ALG9: variants seen among roughly 807,000 people sequenced by gnomAD.
The protein encoded by ALG9 is ALG9 alpha-1,2-mannosyltransferase.
A neutral mutation model predicts 81.8 loss-of-function variants in ALG9; 55 were observed. The observed-to-expected ratio is 0.67, with a 90% CI of 0.54 to 0.84. The LOEUF is 0.84. ALG9 is among the 40% of genes least tolerant of loss of function. The pLI, the probability that ALG9 is intolerant of heterozygous loss-of-function variation, is 0.00. For synonymous variants in ALG9, 278 were observed against 274.3 expected (o/e 1.01, Z -0.13); for missense variants, 629 against 745.0 (o/e 0.84, Z 1.81).
At position 111,871,518 on chromosome 11, in the gene ALG9, G is replaced by A; in HGVS notation, c.-36C>T. On this transcript the variant is annotated 5_prime_UTR_variant, in exon 1 of 15. Transcript: ENST00000616540. Reference sequence around the variant, plus strand: ...GGGAAAAAAGAATTCGGCACCCTATGAAGTCGGTGAGCGCGCAGACATAGC... The same window carrying A: ...GGGAAAAAAGAATTCGGCACCCTATAAAGTCGGTGAGCGCGCAGACATAGC... The A allele has an allele frequency of 1.3e-6, 2 of 1,535,602 alleles. No homozygotes were observed. Among genetic ancestry groups the A allele is most frequent in the Non-Finnish European group, 1.7e-6 (2 of 1,146,370 alleles).
rs370331303 is a variant in ALG9 at position 111,785,118 on chromosome 11, G to C, written c.*1279C>G. 8 of 152,716 alleles carry C rather than the reference G, an allele frequency of 5.2e-5. No homozygotes were observed. The highest frequency in any genetic ancestry group is 1.9e-4 in the African/African-American group (8 of 41,568). The allele number at this position is 152,716 out of a possible 1,614,324, so 9.5% of individuals were successfully genotyped here. On this transcript the variant is annotated 3_prime_UTR_variant, in exon 15 of 15. Coordinates refer to ENST00000616540, the MANE Select transcript of ALG9 (RefSeq NM_024740.2). ...AGGAATATGGAGGAGCAATAGATGA[G>C]AGTAAGGAAACCTGGGTTCCAGTCC...
intron 8 of ALG9, 28 bp from the exon 9 acceptor site, chr11:111,844,751 A>G (rs782493764): frequency 2.0e-5 from 33 of 1,611,654 alleles, no homozygotes; most frequent in Middle Eastern, 1.6e-4. Flanking sequence ...GTAAGAAATC[A>G]TTAGTGGATG....
chr11:111,786,632 C>G, intron 14 of ALG9, 112 bp from the exon 15 acceptor site: 1 of 1,234,224 alleles, frequency 8.1e-7, no homozygotes, highest in Non-Finnish European at 1.1e-6. Context: ...ATATTTTATT[C>G]AAGTGGCACA....
chr11:111,804,190 G>T (rs1949589315), intron 14 of ALG9, among the ~76,000 whole-genome samples: 1 of 148,148 alleles, frequency 6.8e-6, no homozygotes, highest in Admixed American at 6.7e-5. Context: ...AAAACTCCTA[G>T]AAGATAATAC....
rs1555141102 is a variant in ALG9, at chr11:111,853,729, T to C, written c.709A>G (p.Ile237Val). The C allele has an allele frequency of 1.2e-6, 2 of 1,613,682 alleles. No homozygotes were observed. The highest frequency in any genetic ancestry group is 4.5e-5 in the East Asian group (2 of 44,852). ...TTCATGACCAGCAAATCAAAGGCAA[T>C]GGGTAAACTATTTAACAGAGAAACA... ...WPFSAALGLP[I>V]AFDLLVMKHR... is the part of the protein sequence containing the mutation. Residue 237 changes from isoleucine (I) to valine (V), a missense_variant, in exon 7 of 15, where the codon ATT becomes GTT. By Grantham distance (29) the Ile-to-Val change is conservative. Coordinates refer to ENST00000616540, the MANE Select transcript of ALG9 (RefSeq NM_024740.2).
In ALG9 at chr11:111,785,881, T is replaced by G; in HGVS notation, c.*516A>C. The stretch of plus-strand genomic sequence containing the variant: ...GCTGGAGGTGAAAAGGACATGTGGG[T>G]TGGCAACTAGGCTGTGTTCATTTTC... On this transcript the variant is annotated 3_prime_UTR_variant, in exon 15 of 15. Transcript: ENST00000616540. 2.7e-6 allele frequency: 1 copy of G among 374,048 alleles called. No individual in the cohort carries two copies. The highest frequency in any genetic ancestry group is 2.0e-5 in the South Asian group (1 of 49,284). The allele number at this position is 374,048 out of a possible 1,614,324, so 23.2% of individuals were successfully genotyped here.
At chr11:111,820,917 C>CGT (rs1180777460) in intron 13 of ALG9, among the ~76,000 whole-genome samples, 1 of 103,368 alleles carries the variant, frequency 9.7e-6, no homozygotes, top group African/African-American at 3.7e-5. Flanking sequence ...TCCAAACACG[C>CGT]GCGCACACAC....
In ALG9 at chr11:111,784,889, T is replaced by A. The variant is rs1404080168; in HGVS notation, c.*1508A>T. ...CTGTGTGGCTGCAAAAGAACATGACTTCCAAACAGAAGCACTACTTTCCTG... is the reference window on the plus strand; with the variant it reads ...CTGTGTGGCTGCAAAAGAACATGACATCCAAACAGAAGCACTACTTTCCTG... On this transcript the variant is annotated 3_prime_UTR_variant, in exon 15 of 15. Coordinates refer to ENST00000616540, the MANE Select transcript of ALG9 (RefSeq NM_024740.2). 1.3e-5 allele frequency: 2 copies of A among 152,286 alleles called. No homozygotes were observed. The highest frequency in any genetic ancestry group is 2.9e-5 in the Non-Finnish European group (2 of 68,064). The allele number at this position is 152,286 out of a possible 1,614,324, so 9.4% of individuals were successfully genotyped here.
intron 13 of ALG9, among the ~76,000 whole-genome samples, chr11:111,828,638 C>T (rs979911431): frequency 6.6e-6 from 1 of 152,080 alleles, no homozygotes; most frequent in Admixed American, 6.5e-5. Context: ...ACTTATCTTC[C>T]AATTTTGAGT....
intron 14 of ALG9, among the ~76,000 whole-genome samples, chr11:111,800,175 T>G (rs1349160372): frequency 6.6e-6 from 1 of 152,204 alleles, no homozygotes; most frequent in Non-Finnish European, 1.5e-5. Context: ...ACTTCCTTTA[T>G]GTGCCTTAAA....
In ALG9 at chr11:111,844,740, G is replaced by A. The variant is rs993504335; in HGVS notation, c.896-17C>T. ...GTTCTGTACCTGAGGGAGACATAAA[G>A]GTAAGAAATCATTAGTGGATGCCTT... On this transcript the variant is annotated splice_polypyrimidine_tract_variant and intron_variant, in intron 8 of 14. Transcript: ENST00000616540. 4 of 1,612,834 alleles carry A rather than the reference G, an allele frequency of 2.5e-6. No individual in the cohort carries two copies. The highest frequency in any genetic ancestry group is 3.4e-6 in the Non-Finnish European group (4 of 1,179,142).
At chr11:111,769,977 C>T in the ALG9 span, among the ~76,000 whole-genome samples, 1 of 152,162 alleles carries the variant, frequency 6.6e-6, no homozygotes, top group African/African-American at 2.4e-5. Flanking sequence ...CTCAATCCCA[C>T]CTTCCACCCC....
chr11:111,779,989 G>C (rs1945840192), downstream of ALG9, among the ~76,000 whole-genome samples: 1 of 152,180 alleles, frequency 6.6e-6, no homozygotes, highest in South Asian at 2.1e-4. Context: ...TGAATCCACA[G>C]CTGAAGAGAG....
chr11:111,818,597 A>C lies in ALG9; in HGVS notation c.1603-8824T>G, dbSNP rs533110825. 2.2e-4 allele frequency among the ~76,000 whole-genome samples: 33 copies of C among 152,352 alleles called. 1 individual carries two copies. In the South Asian group the frequency reaches 6.8e-3, roughly 32 times the overall value. On this transcript the variant is annotated intron_variant, in intron 13 of 14. Transcript: ENST00000616540. ...AAATGATTTCCTTAAGAAAGACTTC[A>C]CTGACCTCTTAAACTAGGACAGGGC...
the ALG9 span, among the ~76,000 whole-genome samples, chr11:111,768,434 T>C: frequency 2.0e-5 from 3 of 152,292 alleles, no homozygotes; most frequent in African/African-American, 4.8e-5. Flanking sequence ...TTTCCTACTT[T>C]ATATTCGTAA....
chr11:111,774,631 T>G, the ALG9 span, among the ~76,000 whole-genome samples: 1 of 152,200 alleles, frequency 6.6e-6, no homozygotes, highest in Non-Finnish European at 1.5e-5. Flanking sequence ...TTTACTTAAA[T>G]TTCACCCATT....
chr11:111,819,660 T>G (rs556623413), intron 13 of ALG9, among the ~76,000 whole-genome samples: 1 of 152,272 alleles, frequency 6.6e-6, no homozygotes, highest in Non-Finnish European at 1.5e-5. Context: ...TACTTAGCTT[T>G]TAAGCAGCAT....
At position 111,782,958 on chromosome 11, in the gene ALG9, T is replaced by C. The variant is rs1022005764; in HGVS notation, c.*3439A>G. The stretch of plus-strand genomic sequence containing the variant: ...ATTATCTCAAAAAATTAAAATAACC[T>C]GTCTTCTTTCTTATCAGATGACACC... On this transcript the variant is annotated 3_prime_UTR_variant, in exon 15 of 15. Coordinates refer to ENST00000616540, the MANE Select transcript of ALG9 (RefSeq NM_024740.2). 2.6e-5 allele frequency: 4 copies of C among 151,484 alleles called. No homozygotes were observed. The highest frequency in any genetic ancestry group is 5.9e-5 in the Non-Finnish European group (4 of 68,022). 9.4% of individuals were successfully genotyped at this position (151,484 alleles called of 1,614,324 possible).
chr11:111,851,874 G>A (rs1364140839), intron 8 of ALG9, among the ~76,000 whole-genome samples: 1 of 152,090 alleles, frequency 6.6e-6, no homozygotes, highest in Non-Finnish European at 1.5e-5. Context: ...ACACCCCTGG[G>A]GATCTTAGAG....
Sources: allele counts gnomAD v4.1 joint callset (sites outside exome capture counted in the v4.1 genomes callset), GRCh38; gene constraint gnomAD v4.1.1; transcripts MANE v1.5; gene names NCBI Gene and HGNC (gene_info 2026-07-23, HGNC 2026-07-21).